The following CNTN3 variants were observed in gnomAD, a reference collection of about 807,000 sequenced individuals.
The protein encoded by CNTN3 is contactin 3, also known as contactin-3.
In CNTN3, 60 loss-of-function variants were observed where a neutral mutation model predicts 119.1. The observed-to-expected ratio is 0.50, with a 90% CI of 0.41 to 0.62. CNTN3 has a LOEUF of 0.62. Ranked by LOEUF, CNTN3 falls within the 20% of genes least tolerant of loss-of-function variation. The probability of loss-of-function intolerance (pLI) is 0.00; values close to 1 mark genes in which losing one functional copy is unlikely to be tolerated. For synonymous variants in CNTN3, 450 were observed against 438.7 expected (o/e 1.03, Z -0.32); for missense variants, 1,101 against 1,242.4 (o/e 0.89, Z 1.71).
At chr3:74,293,512 T>C (rs1395157636) in intron 19 of CNTN3, among the ~76,000 whole-genome samples, 1 of 152,288 alleles carries the variant, frequency 6.6e-6, no homozygotes, top group East Asian at 1.9e-4. Flanking sequence ...TCTCAGTCTG[T>C]CATCCAGGCT....
At chr3:74,335,984 C>G (rs1191735127) in intron 12 of CNTN3, among the ~76,000 whole-genome samples, 1 of 151,900 alleles carries the variant, frequency 6.6e-6, no homozygotes, top group African/African-American at 2.4e-5. Context: ...TTTCTTATTC[C>G]TACTGTTATT....
intron 4 of CNTN3, among the ~76,000 whole-genome samples, chr3:74,426,138 T>C (rs1276594949): frequency 1.3e-5 from 2 of 152,174 alleles, no homozygotes; most frequent in African/African-American, 4.8e-5. Flanking sequence ...GAAAATTCCG[T>C]TGACTTCATT....
intron 5 of CNTN3, among the ~76,000 whole-genome samples, chr3:74,373,208 C>A (rs1003034513): frequency 1.6e-4 from 25 of 152,300 alleles, no homozygotes; most frequent in African/African-American, 6.0e-4. Context: ...ATGCTTTTCT[C>A]TTGCAATAGT....
chr3:74,408,898 G>T (rs1701389755), intron 5 of CNTN3, among the ~76,000 whole-genome samples: 1 of 152,058 alleles, frequency 6.6e-6, no homozygotes, highest in Non-Finnish European at 1.5e-5. Flanking sequence ...GTATCCTTCT[G>T]GAACTAACAT....
chr3:74,444,384 A>C (rs1361557321), intron 4 of CNTN3, among the ~76,000 whole-genome samples: 1 of 152,146 alleles, frequency 6.6e-6, no homozygotes, highest in African/African-American at 2.4e-5. Context: ...AGGGGTGCTT[A>C]CTAATAAAGT....
intron 5 of CNTN3, among the ~76,000 whole-genome samples, chr3:74,389,729 C>A (rs371034618): frequency 2.0e-5 from 3 of 152,114 alleles, no homozygotes; most frequent in African/African-American, 4.8e-5. Flanking sequence ...CTGAACCCAG[C>A]GTAATTCCTA....
intron 11 of CNTN3, 111 bp from the exon 12 acceptor site, chr3:74,336,769 G>T: frequency 6.6e-6 from 5 of 757,362 alleles, no homozygotes; most frequent in South Asian, 2.7e-5. Context: ...TTTAAGGCAT[G>T]ATCAACCAGT....
chr3:74,487,911 T>C (rs1702887566), intron 3 of CNTN3, among the ~76,000 whole-genome samples: 1 of 151,524 alleles, frequency 6.6e-6, no homozygotes, highest in South Asian at 2.1e-4. Flanking sequence ...TAAAATACAG[T>C]TGACGTTTAT....
At chr3:74,473,788 C>G (rs1277049611) in intron 4 of CNTN3, among the ~76,000 whole-genome samples, 1 of 152,124 alleles carries the variant, frequency 6.6e-6, no homozygotes, top group Non-Finnish European at 1.5e-5. Flanking sequence ...GCAAACTGTA[C>G]AGACCCGGGG....
chr3:74,520,259 C>G (rs1703520938), intron 2 of CNTN3, among the ~76,000 whole-genome samples: 1 of 151,000 alleles, frequency 6.6e-6, no homozygotes. Context: ...AAAAAGCACA[C>G]ATTCACACAC....
intron 1 of CNTN3, among the ~76,000 whole-genome samples, chr3:74,568,686 G>A (rs1416069903): frequency 6.6e-6 from 1 of 152,186 alleles, no homozygotes; most frequent in African/African-American, 2.4e-5. Flanking sequence ...AGCCCACTTA[G>A]CCAACAAAAC....
chr3:74,598,561 G>A (rs1256491812), intron 1 of CNTN3, among the ~76,000 whole-genome samples: 1 of 152,024 alleles, frequency 6.6e-6, no homozygotes, highest in Non-Finnish European at 1.5e-5. Flanking sequence ...CCTGGCCCAA[G>A]CCATAGATAA....
chr3:74,522,468 C>T (rs149612230), intron 1 of CNTN3, among the ~76,000 whole-genome samples: 1 of 151,940 alleles, frequency 6.6e-6, no homozygotes, highest in African/African-American at 2.4e-5. Flanking sequence ...AGTTTGGGTT[C>T]CACAACACAA....
At chr3:74,535,114 A>T (rs762524844) in intron 1 of CNTN3, among the ~76,000 whole-genome samples, 1 of 152,118 alleles carries the variant, frequency 6.6e-6, no homozygotes, top group Non-Finnish European at 1.5e-5. Flanking sequence ...AACGCTGCTT[A>T]CATCTTTTTG....
intron 4 of CNTN3, among the ~76,000 whole-genome samples, chr3:74,438,004 C>T (rs1393204407): frequency 2.0e-5 from 3 of 152,110 alleles, no homozygotes; most frequent in African/African-American, 4.8e-5. Context: ...ACTGGGTATG[C>T]CATAGAGGAG....
chr3:74,388,737 C>T (rs770060147), intron 5 of CNTN3, among the ~76,000 whole-genome samples: 4 of 152,188 alleles, frequency 2.6e-5, no homozygotes, highest in Non-Finnish European at 5.9e-5. Flanking sequence ...ATAAAACGGA[C>T]TGGCCTTTAC....
At chr3:74,385,882 G>A (rs543892496) in intron 5 of CNTN3, among the ~76,000 whole-genome samples, 40 of 152,258 alleles carry the variant, frequency 2.6e-4, no homozygotes, top group African/African-American at 9.4e-4. Flanking sequence ...TAACTTTTGG[G>A]TATCACGTAG....
At position 74,369,266 on chromosome 3, in the gene CNTN3, T is replaced by C; in HGVS notation, c.869A>G (p.Glu290Gly). ...AATGCATTCATAGGAACCTGCATCT[T>C]CCTGTTGGAAGTTGGGGATTTCAAG... ...GVLEIPNFQQ[E>G]DAGSYECIAE... Residue 290 changes from glutamate (E) to glycine (G), a missense_variant, in exon 8 of 23, where the codon GAA becomes GGA. Coordinates refer to ENST00000263665, the MANE Select transcript of CNTN3 (RefSeq NM_020872.3). 6.2e-7 allele frequency: 1 copy of C among 1,611,768 alleles called. No individual in the cohort carries two copies. Among genetic ancestry groups the C allele is most frequent in the Non-Finnish European group, 8.5e-7 (1 of 1,178,912 alleles).
At position 74,516,060 on chromosome 3, in the gene CNTN3, A is replaced by G. The variant is rs76495800; in HGVS notation, c.55+4998T>C. 9.2e-5 allele frequency among the ~76,000 whole-genome samples: 14 copies of G among 152,080 alleles called. No individual in the cohort carries two copies. The East Asian group carries it at 2.5e-3, about 28-fold the overall frequency. ...GAAGAATGTACAACACACCATACAG[A>G]TGAAAGGCTTAGTGCAGCTGAAAAC... is the stretch of plus-strand genomic sequence containing the variant. On this transcript the variant is annotated intron_variant, in intron 2 of 22. Transcript: ENST00000263665.
Sources: gnomAD v4.1 joint callset for allele counts (sites outside exome capture counted in the v4.1 genomes callset) on GRCh38, gnomAD v4.1.1 for gene constraint, MANE v1.5 for transcripts, NCBI Gene and HGNC (gene_info 2026-07-23, HGNC 2026-07-21) for gene names.